CABCOCO1: variants seen among roughly 807,000 people sequenced by gnomAD.
CABCOCO1 encodes the protein ciliary associated calcium binding coiled-coil 1.
In CABCOCO1, 28 loss-of-function variants were observed where a neutral mutation model predicts 35.7. That is an observed-to-expected ratio of 0.78 (90% CI 0.58 to 1.07). The LOEUF (loss-of-function observed/expected upper bound fraction) is 1.07, where lower values mean the gene tolerates loss of function less well. Ranked by LOEUF, CABCOCO1 falls within the 50% of genes least tolerant of loss-of-function variation. The pLI is 0.00. For missense variants in CABCOCO1, 326 were observed against 309.2 expected (o/e 1.05, Z -0.41); for synonymous variants, 95 against 100.1 (o/e 0.95, Z 0.30).
At chr10:61,667,144 A>ATG (rs1839209733) in intron 1 of CABCOCO1, among the ~76,000 whole-genome samples, 2 of 144,826 alleles carry the variant, frequency 1.4e-5, no homozygotes, top group East Asian at 3.9e-4. Context: ...TCATATGTAT[A>ATG]TATAAATATA....
rs1841998608 is a variant in CABCOCO1, at chr10:61,761,015, T to A, written c.816+12T>A. On this transcript the variant is annotated intron_variant, in intron 7 of 7. Coordinates refer to ENST00000648843, the MANE Select transcript of CABCOCO1 (RefSeq NM_001366906.2). ...TAATCGGCATTCAGGTACTCAGTAT[T>A]GATAGTATGCTCACTTACTTTATTA... 6 of 1,610,788 alleles carry A rather than the reference T, an allele frequency of 3.7e-6. No individual in the cohort carries two copies. The highest frequency in any genetic ancestry group is 5.1e-6 in the Non-Finnish European group (6 of 1,178,418).
chr10:61,711,158 A>C (rs1416952188), intron 5 of CABCOCO1, among the ~76,000 whole-genome samples: 1 of 151,974 alleles, frequency 6.6e-6, no homozygotes, highest in East Asian at 1.9e-4. Context: ...TAACCATATA[A>C]ATTATCACAT....
intron 4 of CABCOCO1, among the ~76,000 whole-genome samples, chr10:61,687,423 T>A (rs902386532): frequency 6.6e-6 from 1 of 152,196 alleles, no homozygotes; most frequent in Non-Finnish European, 1.5e-5. Context: ...TGTATTAGCA[T>A]CCTTATTTTC....
chr10:61,686,471 A>T (rs1466469252), intron 4 of CABCOCO1, among the ~76,000 whole-genome samples: 2 of 152,172 alleles, frequency 1.3e-5, no homozygotes, highest in Non-Finnish European at 2.9e-5. Flanking sequence ...GAAATAAATT[A>T]AGAATTTCAT....
Position 61,725,136 on chromosome 10 carries a change from T to C in CABCOCO1, c.552+34515T>C, listed in dbSNP as rs531628755. On this transcript the variant is annotated intron_variant, in intron 5 of 7. Transcript: ENST00000648843. ...AGGTGCTGGAGAGGATGTGGAGAAA[T>C]AGGAACGCTTTTACACTGTTGGTGG... Among the ~76,000 whole-genome samples, 15 of 152,268 alleles carry C rather than the reference T, an allele frequency of 9.9e-5. No homozygotes were observed. In the East Asian group the frequency reaches 2.9e-3, roughly 29 times the overall value.
intron 5 of CABCOCO1, among the ~76,000 whole-genome samples, chr10:61,754,544 T>G (rs1044454185): frequency 6.6e-6 from 1 of 152,126 alleles, no homozygotes; most frequent in Non-Finnish European, 1.5e-5. Context: ...AAAAGATATC[T>G]AAAATACTCT....
At chr10:61,759,758 TAGTC>T (rs958655788) in intron 5 of CABCOCO1, among the ~76,000 whole-genome samples, 4 of 151,942 alleles carry the variant, frequency 2.6e-5, no homozygotes, top group African/African-American at 9.7e-5. Flanking sequence ...AGAGGGCTTG[TAGTC>T]AGGAGAAGGG....
At chr10:61,761,072 C>CTATAAACACTCCCCACACTGCCAGCATGA in intron 7 of CABCOCO1, 69 bp downstream of exon 7, 1 of 1,500,314 alleles carries the variant, frequency 6.7e-7, no homozygotes, top group Non-Finnish European at 9.2e-7. Context: ...ACTTTAATGT[C>CTATAAACACTCCCCACACTGCCAGCATGA]TATAAACACT....
intron 4 of CABCOCO1, among the ~76,000 whole-genome samples, chr10:61,687,837 C>T (rs1414798382): frequency 6.6e-6 from 1 of 152,012 alleles, no homozygotes; most frequent in Admixed American, 6.6e-5. Context: ...GCTGTTAAGT[C>T]GTCATATTGT....
At chr10:61,723,978 C>T (rs1248401651) in intron 5 of CABCOCO1, among the ~76,000 whole-genome samples, 2 of 152,124 alleles carry the variant, frequency 1.3e-5, no homozygotes, top group African/African-American at 2.4e-5. Context: ...ATTCAGTATG[C>T]TGGCTTTAAA....
chr10:61,686,207 A>T, intron 4 of CABCOCO1, 22 bp downstream of exon 4: 1 of 1,503,404 alleles, frequency 6.7e-7, no homozygotes. Context: ...TTTCAGTAAC[A>T]TTTATTTTTC....
intron 5 of CABCOCO1, among the ~76,000 whole-genome samples, chr10:61,741,306 A>G (rs988193870): frequency 2.0e-5 from 3 of 152,172 alleles, no homozygotes; most frequent in African/African-American, 7.2e-5. Flanking sequence ...GACAACATTA[A>G]AAATAGATTT....
chr10:61,720,917 CTTTTTTTTTT>C (rs71018996), intron 5 of CABCOCO1, among the ~76,000 whole-genome samples: 11 of 66,014 alleles, frequency 1.7e-4, no homozygotes, highest in Admixed American at 1.0e-3. Flanking sequence ...TCTTTTCATT[CTTTTTTTTTT>C]TTTTTTTTTT....
intron 5 of CABCOCO1, among the ~76,000 whole-genome samples, chr10:61,720,383 T>C (rs1840975042): frequency 6.6e-6 from 1 of 152,184 alleles, no homozygotes; most frequent in Non-Finnish European, 1.5e-5. Flanking sequence ...GAAAAGAGAT[T>C]TGAATTACAT....
intron 5 of CABCOCO1, among the ~76,000 whole-genome samples, chr10:61,703,398 G>GA (rs1045460829): frequency 1.1e-4 from 16 of 151,830 alleles, no homozygotes; most frequent in Non-Finnish European, 2.2e-4. Context: ...TTTTAGATGG[G>GA]AAAAAAAGAC....
intron 5 of CABCOCO1, among the ~76,000 whole-genome samples, chr10:61,751,213 C>CTTTTTTTT (rs57540074): frequency 9.4e-6 from 1 of 106,504 alleles, no homozygotes; most frequent in Admixed American, 1.0e-4. Context: ...TTGCCTTGCT[C>CTTTTTTTT]TTTTTTTTTT....
rs1040360398 is a variant in CABCOCO1, at chr10:61,714,653, C to T, written c.552+24032C>T. Among the ~76,000 whole-genome samples the T allele has an allele frequency of 7.2e-5, 11 of 152,264 alleles. No individual in the cohort carries two copies. In the East Asian group the frequency reaches 1.2e-3, roughly 16 times the overall value. On this transcript the variant is annotated intron_variant, in intron 5 of 7. Coordinates refer to ENST00000648843, the MANE Select transcript of CABCOCO1 (RefSeq NM_001366906.2). The stretch of plus-strand genomic sequence containing the variant: ...TGCTTTCTTTTGTGGGCATTTAGTG[C>T]TATAAATTTCCCTCTATATACTGCT...
chr10:61,764,135 A>C (rs1842062225), intron 7 of CABCOCO1, among the ~76,000 whole-genome samples: 4 of 152,136 alleles, frequency 2.6e-5, no homozygotes, highest in Non-Finnish European at 5.9e-5. Flanking sequence ...AGTGAAACAG[A>C]AACTGGTAGA....
Position 61,766,067 on chromosome 10 carries a change from C to A in CABCOCO1, c.*54C>A. 6.7e-7 allele frequency: 1 copy of A among 1,489,900 alleles called. No individual in the cohort carries two copies. Among genetic ancestry groups the A allele is most frequent in the Non-Finnish European group, 9.3e-7 (1 of 1,075,640 alleles). 92.3% of individuals were successfully genotyped at this position (1,489,900 alleles called of 1,614,324 possible). ...ACTTCACAGAAACAAACAAAACCAG[C>A]CAGAATAACAGACTCTCTGGAGCGT... On this transcript the variant is annotated 3_prime_UTR_variant, in exon 8 of 8. Coordinates refer to ENST00000648843, the MANE Select transcript of CABCOCO1 (RefSeq NM_001366906.2).
Sources: gnomAD v4.1 joint callset for allele counts (sites outside exome capture counted in the v4.1 genomes callset) on GRCh38, gnomAD v4.1.1 for gene constraint, MANE v1.5 for transcripts, NCBI Gene and HGNC (gene_info 2026-07-23, HGNC 2026-07-21) for gene names.